The following GABRB2 variants were observed in gnomAD, a reference collection of about 807,000 sequenced individuals.
GABRB2 encodes gamma-aminobutyric acid type A receptor subunit beta2.
In GABRB2, 16 loss-of-function variants were observed where a neutral mutation model predicts 54.7. The observed-to-expected ratio is 0.29, with a 90% CI of 0.20 to 0.44. The LOEUF (loss-of-function observed/expected upper bound fraction) is 0.44. GABRB2 is among the 20% of genes least tolerant of loss of function. The pLI is 1.00. For synonymous variants in GABRB2, 244 were observed against 233.8 expected (o/e 1.04, Z -0.40); for missense variants, 355 against 644.0 (o/e 0.55, Z 4.86).
intron 9 of GABRB2, among the ~76,000 whole-genome samples, chr5:161,319,008 G>T (rs1397446500): frequency 6.6e-6 from 1 of 151,642 alleles, no homozygotes; most frequent in Non-Finnish European, 1.5e-5. Flanking sequence ...TAAGTCTTTT[G>T]CAGTTCATTC....
intron 3 of GABRB2, among the ~76,000 whole-genome samples, chr5:161,494,028 T>C (rs1759155208): frequency 6.6e-6 from 1 of 151,698 alleles, no homozygotes; most frequent in Non-Finnish European, 1.5e-5. Flanking sequence ...ATACATACAA[T>C]TTTTGTCAAT....
chr5:161,379,375 TGA>T, intron 5 of GABRB2, among the ~76,000 whole-genome samples: 1 of 152,248 alleles, frequency 6.6e-6, no homozygotes. Flanking sequence ...AGGATGTGTG[TGA>T]GTGTATGTGT....
At position 161,387,083 on chromosome 5, in the gene GABRB2, T is replaced by C. The variant is rs115101076; in HGVS notation, c.541+23892A>G. 2.3e-3 allele frequency among the ~76,000 whole-genome samples: 354 copies of C among 152,192 alleles called. 2 individuals carry two copies. Among genetic ancestry groups the C allele is most frequent in the African/African-American group, 7.9e-3 (329 of 41,546 alleles). On this transcript the variant is annotated intron_variant, in intron 5 of 9. Transcript: ENST00000393959. ...TTATATTTTAGTTTTTATATTTATA[T>C]ATCATGATCAAATAGAAATGCAATA...
At chr5:161,338,304 C>A (rs1754050620) in intron 5 of GABRB2, among the ~76,000 whole-genome samples, 1 of 152,092 alleles carries the variant, frequency 6.6e-6, no homozygotes, top group Non-Finnish European at 1.5e-5. Context: ...TCTAATACCA[C>A]AACAGAAGCC....
intron 5 of GABRB2, among the ~76,000 whole-genome samples, chr5:161,367,755 A>G (rs1244212907): frequency 3.3e-5 from 5 of 152,200 alleles, no homozygotes; most frequent in African/African-American, 1.2e-4. Context: ...ATGTTACCAC[A>G]TGTTCCAAAG....
chr5:161,431,502 G>A (rs1757170627), intron 4 of GABRB2, among the ~76,000 whole-genome samples: 1 of 152,126 alleles, frequency 6.6e-6, no homozygotes, highest in African/African-American at 2.4e-5. Flanking sequence ...TAATGTTTAT[G>A]CCTTCCTTTT....
At chr5:161,397,392 A>G (rs1236377312) in intron 5 of GABRB2, among the ~76,000 whole-genome samples, 2 of 152,182 alleles carry the variant, frequency 1.3e-5, no homozygotes, top group Non-Finnish European at 2.9e-5. Flanking sequence ...TTAAATTTAT[A>G]CTCAATAGTA....
intron 5 of GABRB2, among the ~76,000 whole-genome samples, chr5:161,379,904 T>G (rs377324550): frequency 1.4e-4 from 21 of 152,048 alleles, no homozygotes; most frequent in Non-Finnish European, 7.4e-5. Context: ...TGGTAAAATA[T>G]GGAGGAAAAT....
At chr5:161,317,494 CAAT>C (rs1175777651) in intron 9 of GABRB2, among the ~76,000 whole-genome samples, 2 of 152,112 alleles carry the variant, frequency 1.3e-5, no homozygotes, top group Non-Finnish European at 2.9e-5. Flanking sequence ...CTTGCACTAA[CAAT>C]AACTCATCGT....
At chr5:161,509,121 A>G (rs1033861788) in intron 3 of GABRB2, among the ~76,000 whole-genome samples, 3 of 151,998 alleles carry the variant, frequency 2.0e-5, no homozygotes, top group African/African-American at 4.8e-5. Context: ...TAGCCTCAAA[A>G]TAAGAGACAT....
Position 161,546,257 on chromosome 5 carries a change from C to A in GABRB2, c.169+65G>T, listed in dbSNP as rs1760983673. 6 of 1,282,518 alleles carry A rather than the reference C, an allele frequency of 4.7e-6. No homozygotes were observed. In the South Asian group the frequency reaches 4.8e-5, roughly 10 times the overall value. The allele number at this position is 1,282,518 out of a possible 1,614,324, so 79.4% of individuals were successfully genotyped here. On this transcript the variant is annotated intron_variant, in intron 2 of 9. Transcript: ENST00000393959. ...CCACAACTAGGGAGAGGGAAGAGAG[C>A]GCGCACAAAGCTCAAAAGACAGCTT...
intron 5 of GABRB2, among the ~76,000 whole-genome samples, chr5:161,397,348 T>G (rs2113064958): frequency 6.6e-6 from 1 of 152,314 alleles, no homozygotes; most frequent in Admixed American, 6.5e-5. Flanking sequence ...CCCATTTCTG[T>G]CCACCAACCT....
chr5:161,303,691 A>T (rs139962311), intron 9 of GABRB2, among the ~76,000 whole-genome samples: 48 of 152,308 alleles, frequency 3.2e-4, no homozygotes, highest in Non-Finnish European at 4.9e-4. Context: ...CTTCGAAAGC[A>T]TGAGCTGCCA....
rs547040333 is a variant in GABRB2 at position 161,477,512 on chromosome 5, G to T, written c.238-17668C>A. Among the ~76,000 whole-genome samples the T allele has an allele frequency of 2.0e-5, 3 of 151,828 alleles. No homozygotes were observed. In the South Asian group the frequency reaches 6.2e-4, roughly 31 times the overall value. On this transcript the variant is annotated intron_variant, in intron 3 of 9. Transcript: ENST00000393959. ...CTCAAAGAGATAGTTGCATATCCAC[G>T]TTCATAGCAGTATGAATCACAATAG...
chr5:161,517,058 G>C (rs1026923051), intron 3 of GABRB2, among the ~76,000 whole-genome samples: 2 of 152,096 alleles, frequency 1.3e-5, no homozygotes, highest in Non-Finnish European at 2.9e-5. Flanking sequence ...ACTAAGTTTT[G>C]ATGGCTCAGG....
rs183190916 is a variant in GABRB2, at chr5:161,363,398, G to A, written c.542-26629C>T. 1.1e-3 allele frequency among the ~76,000 whole-genome samples: 161 copies of A among 152,252 alleles called. 1 individual carries two copies. Among genetic ancestry groups the A allele is most frequent in the African/African-American group, 3.6e-3 (148 of 41,546 alleles). ...TGTTCGGGGCTGGGGGGCTGAGGGAGGGATAGCATTAGGAGAAATACCTAA... is the reference window on the plus strand; with the variant it reads ...TGTTCGGGGCTGGGGGGCTGAGGGAAGGATAGCATTAGGAGAAATACCTAA... On this transcript the variant is annotated intron_variant, in intron 5 of 9. Coordinates refer to ENST00000393959, the MANE Select transcript of GABRB2 (RefSeq NM_001371727.1).
chr5:161,458,072 C>T (rs1168194411), intron 4 of GABRB2, among the ~76,000 whole-genome samples: 1 of 152,144 alleles, frequency 6.6e-6, no homozygotes, highest in East Asian at 1.9e-4. Context: ...TCTTACCTCC[C>T]TCCATGCTTA....
At chr5:161,309,135 A>G (rs1379915217) in intron 9 of GABRB2, among the ~76,000 whole-genome samples, 1 of 152,230 alleles carries the variant, frequency 6.6e-6, no homozygotes, top group Non-Finnish European at 1.5e-5. Context: ...TCCAGCATCT[A>G]TAAGAAACTT....
At chr5:161,453,688 A>T (rs1407855148) in intron 4 of GABRB2, among the ~76,000 whole-genome samples, 1 of 152,188 alleles carries the variant, frequency 6.6e-6, no homozygotes, top group Non-Finnish European at 1.5e-5. Flanking sequence ...TTTGTATTCA[A>T]GACTTTCAAT....
Sources: allele counts gnomAD v4.1 joint callset (sites outside exome capture counted in the v4.1 genomes callset), GRCh38; gene constraint gnomAD v4.1.1; transcripts MANE v1.5; gene names NCBI Gene and HGNC (gene_info 2026-07-23, HGNC 2026-07-21).